Variants in KLF12 observed in about 807,000 individuals in gnomAD.
KLF12 encodes KLF transcription factor 12, also known as Krueppel-like factor 12.
KLF12 carries 9 observed loss-of-function variants against 37.8 expected under a neutral mutation model. The observed-to-expected ratio is 0.24, with a 90% confidence interval of 0.14 to 0.42. The LOEUF (loss-of-function observed/expected upper bound fraction) is 0.42, where lower values mean the gene tolerates loss of function less well. KLF12 is among the 10% of genes least tolerant of loss of function. The probability of loss-of-function intolerance (pLI) is 1.00; values close to 1 mark genes in which losing one functional copy is unlikely to be tolerated. For synonymous variants in KLF12, 208 were observed against 202.1 expected (o/e 1.03, Z -0.25); for missense variants, 411 against 516.0 (o/e 0.80, Z 1.97).
chr13:74,078,274 C>T (rs531017899), intron 1 of KLF12, among the ~76,000 whole-genome samples: 11 of 152,292 alleles, frequency 7.2e-5, no homozygotes, highest in Non-Finnish European at 1.2e-4. Flanking sequence ...TCTCCTCTTT[C>T]ATAAATTGTC....
At chr13:73,871,119 G>A (rs998025745) in intron 3 of KLF12, among the ~76,000 whole-genome samples, 4 of 152,178 alleles carry the variant, frequency 2.6e-5, no homozygotes, top group Admixed American at 2.0e-4. Context: ...AGAGTCAGAA[G>A]GAGGAAATGA....
At chr13:73,746,601 C>T (rs900002368) in intron 6 of KLF12, among the ~76,000 whole-genome samples, 1 of 152,088 alleles carries the variant, frequency 6.6e-6, no homozygotes, top group Non-Finnish European at 1.5e-5. Flanking sequence ...CATTACTATA[C>T]TGCCTGGCAC....
chr13:74,053,655 G>A (rs1360611308), intron 1 of KLF12, among the ~76,000 whole-genome samples: 1 of 152,164 alleles, frequency 6.6e-6, no homozygotes, highest in East Asian at 1.9e-4. Flanking sequence ...TGCAAAGGTG[G>A]AGGTTACATG....
chr13:73,948,623 C>A (rs189441098), intron 2 of KLF12, among the ~76,000 whole-genome samples: 1 of 152,160 alleles, frequency 6.6e-6, no homozygotes, highest in African/African-American at 2.4e-5. Context: ...GATTACAGGG[C>A]AATTAGGGGT....
At chr13:73,714,960 C>T (rs572184521) in intron 7 of KLF12, among the ~76,000 whole-genome samples, 1 of 152,150 alleles carries the variant, frequency 6.6e-6, no homozygotes, top group African/African-American at 2.4e-5. Flanking sequence ...CAGTTGTTTA[C>T]CTATTTGCTA....
chr13:73,744,756 T>A (rs989920668), intron 6 of KLF12, among the ~76,000 whole-genome samples: 2 of 152,156 alleles, frequency 1.3e-5, no homozygotes, highest in African/African-American at 4.8e-5. Flanking sequence ...CAAACCTGCA[T>A]CAGGACATGA....
At chr13:74,231,097 G>A in the KLF12 span, among the ~76,000 whole-genome samples, 5 of 149,584 alleles carry the variant, frequency 3.3e-5, no homozygotes, top group African/African-American at 4.9e-5. Context: ...TGCTTGCATC[G>A]TCATCTGCCT....
chr13:73,954,386 C>T (rs771352200), intron 2 of KLF12, among the ~76,000 whole-genome samples: 26 of 152,128 alleles, frequency 1.7e-4, no homozygotes, highest in Non-Finnish European at 3.1e-4. Context: ...CCTCTGAAAA[C>T]CTTGAGCATG....
chr13:73,825,445 C>G (rs927848407), intron 4 of KLF12, among the ~76,000 whole-genome samples: 2 of 152,192 alleles, frequency 1.3e-5, no homozygotes, highest in African/African-American at 4.8e-5. Context: ...ACTATAACAC[C>G]AAGAGAGCAT....
chr13:74,249,112 G>T, the KLF12 span, among the ~76,000 whole-genome samples: 1 of 151,980 alleles, frequency 6.6e-6, no homozygotes, highest in Non-Finnish European at 1.5e-5. Flanking sequence ...TCTGACAATT[G>T]CTGTGTGATA....
chr13:74,167,004 G>C, the KLF12 span, among the ~76,000 whole-genome samples: 3 of 152,150 alleles, frequency 2.0e-5, no homozygotes, highest in Admixed American at 1.3e-4. Context: ...AGCAAGTGTA[G>C]ACAAACAAAA....
intron 1 of KLF12, among the ~76,000 whole-genome samples, chr13:74,129,064 C>G (rs1164512207): frequency 6.6e-6 from 1 of 152,118 alleles, no homozygotes; most frequent in Non-Finnish European, 1.5e-5. Flanking sequence ...CTTCAGTACC[C>G]TTGGAGGGTT....
chr13:74,091,895 A>T (rs1048202093), intron 1 of KLF12, among the ~76,000 whole-genome samples: 2 of 151,820 alleles, frequency 1.3e-5, no homozygotes, highest in Non-Finnish European at 2.9e-5. Context: ...ATAATGAAGG[A>T]GGTTATGCAT....
chr13:74,237,542 A>C, the KLF12 span, among the ~76,000 whole-genome samples: 2 of 147,514 alleles, frequency 1.4e-5, no homozygotes, highest in African/African-American at 5.4e-5. Flanking sequence ...CAGTATGGCC[A>C]TTTTCATGAT....
intron 6 of KLF12, among the ~76,000 whole-genome samples, chr13:73,762,895 A>C (rs1879660606): frequency 6.6e-6 from 1 of 152,172 alleles, no homozygotes; most frequent in Non-Finnish European, 1.5e-5. Context: ...GTATTTACCT[A>C]AGGAAGATTC....
chr13:73,770,947 C>T (rs193113276), intron 5 of KLF12, among the ~76,000 whole-genome samples: 3 of 152,276 alleles, frequency 2.0e-5, no homozygotes, highest in Admixed American at 2.0e-4. Context: ...TTCTGATATA[C>T]ACCAACAGAA....
intron 2 of KLF12, among the ~76,000 whole-genome samples, chr13:73,982,222 T>C (rs186872820): frequency 6.5e-4 from 99 of 152,354 alleles, no homozygotes; most frequent in African/African-American, 2.4e-3. Context: ...GCAGTTATTT[T>C]ATTTTTAAGG....
intron 3 of KLF12, among the ~76,000 whole-genome samples, chr13:73,865,772 A>G (rs1191365198): frequency 1.3e-5 from 2 of 152,202 alleles, no homozygotes; most frequent in African/African-American, 2.4e-5. Flanking sequence ...TGTACTCCAA[A>G]ACTGCAGTCT....
chr13:73,871,551 G>A (rs531852617), intron 3 of KLF12, among the ~76,000 whole-genome samples: 4 of 152,212 alleles, frequency 2.6e-5, no homozygotes, highest in East Asian at 1.9e-4. Flanking sequence ...CAGTACAAAC[G>A]GAGTCCAGTC....
Sources: gnomAD v4.1 joint callset for allele counts (sites outside exome capture counted in the v4.1 genomes callset) on GRCh38, gnomAD v4.1.1 for gene constraint, MANE v1.5 for transcripts, NCBI Gene and HGNC (gene_info 2026-07-23, HGNC 2026-07-21) for gene names.